DACH1: variants seen among roughly 807,000 people sequenced by gnomAD.
DACH1 encodes dachshund homolog 1.
In DACH1, 12 loss-of-function variants were observed where a neutral mutation model predicts 54.2. The observed-to-expected ratio is 0.22, with a 90% confidence interval of 0.14 to 0.36. DACH1 has a LOEUF of 0.36. Ranked by LOEUF, DACH1 falls within the 10% of genes least tolerant of loss-of-function variation. The probability of loss-of-function intolerance (pLI) is 1.00; values close to 1 mark genes in which losing one functional copy is unlikely to be tolerated. For missense variants in DACH1, 805 were observed against 929.8 expected (o/e 0.87, Z 1.75); for synonymous variants, 386 against 366.2 (o/e 1.05, Z -0.62).
chr13:71,699,775 CTTAT>C (rs1882019891), intron 1 of DACH1, among the ~76,000 whole-genome samples: 1 of 152,114 alleles, frequency 6.6e-6, no homozygotes, highest in Non-Finnish European at 1.5e-5. Flanking sequence ...GCATATTGGT[CTTAT>C]TTATAGGAAC....
At chr13:71,493,042 T>A (rs79714476) in intron 6 of DACH1, among the ~76,000 whole-genome samples, 3 of 151,334 alleles carry the variant, frequency 2.0e-5, no homozygotes, top group Non-Finnish European at 4.4e-5. Flanking sequence ...TTTTTTTTTT[T>A]ATGGGCATGT....
intron 1 of DACH1, among the ~76,000 whole-genome samples, chr13:71,713,404 T>C (rs1419559804): frequency 1.4e-4 from 21 of 152,154 alleles, no homozygotes; most frequent in Non-Finnish European, 1.0e-4. Context: ...TACAGAAATA[T>C]ATTATTGTTC....
chr13:71,520,055 T>A (rs1881478512), intron 6 of DACH1, among the ~76,000 whole-genome samples: 1 of 150,886 alleles, frequency 6.6e-6, no homozygotes, highest in African/African-American at 2.4e-5. Context: ...AATTTTAGCA[T>A]CAAATGGAAA....
Position 71,774,587 on chromosome 13 carries a change from T to C in DACH1, c.848+91335A>G, listed in dbSNP as rs539513301. ...TTATGATACCAACCCTTTGAGGAAGTCATTATTTATAATCCATGCTTTACA... is the reference window on the plus strand; with the variant it reads ...TTATGATACCAACCCTTTGAGGAAGCCATTATTTATAATCCATGCTTTACA... On this transcript the variant is annotated intron_variant, in intron 1 of 10. Coordinates refer to ENST00000613252, the MANE Select transcript of DACH1 (RefSeq NM_080759.6). 3.9e-5 allele frequency among the ~76,000 whole-genome samples: 6 copies of C among 152,184 alleles called. No homozygotes were observed. The South Asian group carries it at 1.2e-3, about 32-fold the overall frequency.
chr13:71,457,261 T>C (rs1875652252), intron 10 of DACH1, among the ~76,000 whole-genome samples: 1 of 152,086 alleles, frequency 6.6e-6, no homozygotes, highest in Non-Finnish European at 1.5e-5. Context: ...ATCCAACATA[T>C]TGCCATATGG....
intron 2 of DACH1, among the ~76,000 whole-genome samples, chr13:71,645,044 G>A (rs889825490): frequency 7.2e-5 from 11 of 152,282 alleles, no homozygotes; most frequent in African/African-American, 2.4e-4. Context: ...GAAAAATGTG[G>A]TTAAGCCTAG....
chr13:71,572,897 C>T lies in DACH1; in HGVS notation c.1242G>A (p.Met414Ile), dbSNP rs1358045169. 1 of 1,613,992 alleles carries T rather than the reference C, an allele frequency of 6.2e-7. No homozygotes were observed. The highest frequency in any genetic ancestry group is 2.2e-5 in the East Asian group (1 of 44,848). Reference protein sequence around the residue: ...QMNHLSTIANMAAAAQVQSPP... With the variant: ...QMNHLSTIANIAAAAQVQSPP... ...GACTCTGAACTTGTGCTGCTGCTGC[C>T]ATATTTGCAATGGTGCTGAGGTGGT... The change falls in exon 4 of 11, where the codon ATG becomes ATA. Residue 414 changes from methionine to isoleucine, a missense_variant. Met to Ile is a conservative substitution (Grantham distance 10). This residue lies in a region of DACH1 where 472 missense variants were observed against 545.3 expected (regional missense o/e 0.87). Transcript: ENST00000613252.
chr13:71,704,514 G>C (rs1251228341), intron 1 of DACH1: 1 of 384,772 alleles, frequency 2.6e-6, no homozygotes, highest in Non-Finnish European at 5.2e-6. Context: ...AAAGTGATCA[G>C]TAACAGAAGG....
chr13:71,563,467 T>G (rs1467274441), intron 4 of DACH1, among the ~76,000 whole-genome samples: 1 of 151,930 alleles, frequency 6.6e-6, no homozygotes, highest in Non-Finnish European at 1.5e-5. Flanking sequence ...AATGCATAAA[T>G]CTCTGGAAAC....
At chr13:71,456,943 T>C (rs1169821586) in intron 10 of DACH1, among the ~76,000 whole-genome samples, 1 of 151,998 alleles carries the variant, frequency 6.6e-6, no homozygotes, top group Non-Finnish European at 1.5e-5. Flanking sequence ...CCAAATGCAT[T>C]TTATATAAGA....
chr13:71,547,226 C>G (rs1275500546), intron 6 of DACH1, among the ~76,000 whole-genome samples: 1 of 152,092 alleles, frequency 6.6e-6, no homozygotes, highest in Non-Finnish European at 1.5e-5. Flanking sequence ...TTTAGTTGCA[C>G]TCCTCTGCAT....
intron 1 of DACH1, among the ~76,000 whole-genome samples, chr13:71,831,890 A>G (rs1271264111): frequency 1.3e-5 from 2 of 151,934 alleles, no homozygotes; most frequent in Non-Finnish European, 2.9e-5. Flanking sequence ...TTACAATAAA[A>G]CGACCATGCT....
intron 6 of DACH1, among the ~76,000 whole-genome samples, chr13:71,503,848 T>G (rs1311022741): frequency 6.6e-6 from 1 of 152,212 alleles, no homozygotes; most frequent in Non-Finnish European, 1.5e-5. Flanking sequence ...TTACGACTTT[T>G]TCCTTTAAAA....
intron 6 of DACH1, among the ~76,000 whole-genome samples, chr13:71,541,883 A>G (rs1883147488): frequency 6.6e-6 from 1 of 151,734 alleles, no homozygotes; most frequent in African/African-American, 2.4e-5. Context: ...TCCTTTTTAA[A>G]AAATTATTGA....
chr13:71,838,679 C>T (rs1229350410), intron 1 of DACH1, among the ~76,000 whole-genome samples: 1 of 152,054 alleles, frequency 6.6e-6, no homozygotes, highest in African/African-American at 2.4e-5. Flanking sequence ...TGACTTGCAC[C>T]GGATCATGAC....
In DACH1 at chr13:71,440,510, G is replaced by A. The variant is rs1593697096; in HGVS notation, c.*145C>T. Reference sequence around the variant, plus strand: ...GGAGAAAACTTTTTTTTTTTTTGTAGAATACTTAAACTTTTAAAGAACATT... The same window carrying A: ...GGAGAAAACTTTTTTTTTTTTTGTAAAATACTTAAACTTTTAAAGAACATT... On this transcript the variant is annotated 3_prime_UTR_variant, in exon 11 of 11. Coordinates refer to ENST00000613252, the MANE Select transcript of DACH1 (RefSeq NM_080759.6). 9 of 517,754 alleles carry A rather than the reference G, an allele frequency of 1.7e-5. No individual in the cohort carries two copies. The highest frequency in any genetic ancestry group is 8.4e-5 in the Admixed American group (2 of 23,876). 32.1% of individuals were successfully genotyped at this position (517,754 alleles called of 1,614,324 possible).
chr13:71,822,690 G>A (rs1267590307), intron 1 of DACH1, among the ~76,000 whole-genome samples: 1 of 152,082 alleles, frequency 6.6e-6, no homozygotes. Flanking sequence ...TGTCACTTTA[G>A]ACACCATAGT....
intron 1 of DACH1, among the ~76,000 whole-genome samples, chr13:71,792,780 G>A (rs1886887210): frequency 6.6e-6 from 1 of 152,038 alleles, no homozygotes; most frequent in African/African-American, 2.4e-5. Flanking sequence ...TAAGTTCTTT[G>A]CTCTCAGTGT....
chr13:71,636,772 C>G (rs1260838264), intron 2 of DACH1, among the ~76,000 whole-genome samples: 1 of 151,910 alleles, frequency 6.6e-6, no homozygotes, highest in African/African-American at 2.4e-5. Flanking sequence ...ATTTAGATTT[C>G]TTTTTCTTTC....
Sources: allele counts gnomAD v4.1 joint callset (sites outside exome capture counted in the v4.1 genomes callset), GRCh38; gene constraint gnomAD v4.1.1; regional missense constraint gnomAD v4.1.1; transcripts MANE v1.5; gene names NCBI Gene and HGNC (gene_info 2026-07-23, HGNC 2026-07-21).